Variants in SOX5 observed in about 807,000 individuals in gnomAD.
SOX5 encodes the protein SRY-box transcription factor 5.
A neutral mutation model predicts 92.0 loss-of-function variants in SOX5; 9 were observed. The observed-to-expected ratio is 0.10, with a 90% CI of 0.06 to 0.17. The LOEUF (loss-of-function observed/expected upper bound fraction) is 0.17. Among genes scored for constraint, SOX5 ranks in the 10% least tolerant of loss-of-function variants. The probability of loss-of-function intolerance (pLI) is 1.00; values close to 1 mark genes in which losing one functional copy is unlikely to be tolerated. For missense variants in SOX5, 642 were observed against 944.5 expected, an observed-to-expected ratio of 0.68 and a Z score of 4.20; for synonymous variants, 344 against 336.3, an observed-to-expected ratio of 1.02 and a Z score of -0.25.
At chr12:23,869,616 A>G (rs748550341) in intron 2 of SOX5, among the ~76,000 whole-genome samples, 1 of 152,162 alleles carries the variant, frequency 6.6e-6, no homozygotes, top group Admixed American at 6.5e-5. Context: ...TCAAAGCACC[A>G]GTCTACAAGA....
At position 24,163,002 on chromosome 12, in the gene SOX5, T is replaced by C. The variant is rs1952944918; in HGVS notation, c.-2+50341A>G. Among the ~76,000 whole-genome samples the C allele has an allele frequency of 3.3e-5, 5 of 152,086 alleles. No homozygotes were observed. In the South Asian group the frequency reaches 1.0e-3, roughly 31 times the overall value. The stretch of plus-strand genomic sequence containing the variant: ...AATGAGCTCTGCAAATATTAACCGG[T>C]GTCAGGCATGCTGTGAGCCTCTTCC... On this transcript the variant is annotated intron_variant, in intron 4 of 4. Coordinates refer to the SOX5 transcript ENST00000446891.
chr12:24,323,379 C>CA (rs1950386728), intron 2 of SOX5, among the ~76,000 whole-genome samples: 2 of 151,244 alleles, frequency 1.3e-5, no homozygotes, highest in African/African-American at 4.8e-5. Context: ...AGACTAGTGT[C>CA]AGAGTGAGAT....
intron 3 of SOX5, among the ~76,000 whole-genome samples, chr12:23,795,547 G>A (rs1296299019): frequency 2.0e-5 from 3 of 152,022 alleles, no homozygotes; most frequent in Non-Finnish European, 4.4e-5. Flanking sequence ...CAAATGTGAG[G>A]GTGGTTTTTG....
chr12:24,327,860 G>A (rs979949084), intron 2 of SOX5, among the ~76,000 whole-genome samples: 6 of 150,712 alleles, frequency 4.0e-5, no homozygotes, highest in African/African-American at 7.4e-5. Context: ...CCATAATTTC[G>A]TATTTTTTTT....
At chr12:24,459,570 A>G (rs1195640648) in intron 1 of SOX5, among the ~76,000 whole-genome samples, 1 of 152,174 alleles carries the variant, frequency 6.6e-6, no homozygotes, top group Non-Finnish European at 1.5e-5. Context: ...TCAATCTAAA[A>G]GGAGAGATGA....
chr12:24,005,613 T>C (rs1449020925), intron 4 of SOX5, among the ~76,000 whole-genome samples: 2 of 152,182 alleles, frequency 1.3e-5, no homozygotes, highest in Admixed American at 6.5e-5. Flanking sequence ...GGTCTTCTAT[T>C]CTGTCTCGTC....
At chr12:23,925,268 T>A (rs1939629951) in intron 1 of SOX5, among the ~76,000 whole-genome samples, 1 of 152,144 alleles carries the variant, frequency 6.6e-6, no homozygotes, top group African/African-American at 2.4e-5. Flanking sequence ...ATTCTGTGTG[T>A]GTTACATTTG....
chr12:23,801,564 TGTA>T (rs1291436659), intron 3 of SOX5, among the ~76,000 whole-genome samples: 3 of 152,192 alleles, frequency 2.0e-5, no homozygotes, highest in African/African-American at 7.2e-5. Flanking sequence ...AGTAGCTTAA[TGTA>T]GTCAAATATT....
At chr12:23,718,639 T>C (rs1471363700) in intron 6 of SOX5, among the ~76,000 whole-genome samples, 1 of 152,184 alleles carries the variant, frequency 6.6e-6, no homozygotes, top group Non-Finnish European at 1.5e-5. Context: ...ATTATTTCAC[T>C]GTTTATTATC....
At chr12:24,085,956 TA>T (rs144400872) in intron 4 of SOX5, among the ~76,000 whole-genome samples, 1,991 of 138,354 alleles carry the variant, frequency 0.014, 12 homozygotes, top group Non-Finnish European at 0.02. Flanking sequence ...ACGGATATGC[TA>T]AAAAAAAAAA....
At chr12:24,462,206 C>T (rs1224350086) in intron 1 of SOX5, among the ~76,000 whole-genome samples, 1 of 152,190 alleles carries the variant, frequency 6.6e-6, no homozygotes, top group African/African-American at 2.4e-5. Flanking sequence ...AGTCTATAAA[C>T]CTGTACAGCC....
intron 4 of SOX5, among the ~76,000 whole-genome samples, chr12:23,980,004 T>C (rs1949418948): frequency 6.6e-6 from 1 of 150,550 alleles, no homozygotes; most frequent in East Asian, 2.1e-4. Context: ...AGAGACAGAA[T>C]CTCGCTATAT....
chr12:24,465,354 C>T (rs1468184498), intron 1 of SOX5, among the ~76,000 whole-genome samples: 1 of 152,216 alleles, frequency 6.6e-6, no homozygotes, highest in East Asian at 1.9e-4. Context: ...AGTGCCTTTA[C>T]ACATTATTTT....
chr12:23,658,132 ATATT>A (rs1223346590), intron 7 of SOX5, among the ~76,000 whole-genome samples: 1 of 152,190 alleles, frequency 6.6e-6, no homozygotes, highest in Admixed American at 6.5e-5. Flanking sequence ...TTATGTGACA[ATATT>A]TAATAAATAA....
intron 4 of SOX5, among the ~76,000 whole-genome samples, chr12:24,146,573 T>C (rs1175356457): frequency 1.3e-5 from 2 of 151,266 alleles, no homozygotes; most frequent in Non-Finnish European, 3.0e-5. Context: ...CTGTAAGAAA[T>C]TAAAGAGAGC....
chr12:24,521,402 C>A (rs1950252213), intron 1 of SOX5, among the ~76,000 whole-genome samples: 1 of 152,038 alleles, frequency 6.6e-6, no homozygotes, highest in Non-Finnish European at 1.5e-5. Flanking sequence ...AATAGAAGAG[C>A]CAGACAGAAA....
chr12:23,745,676 T>G (rs1206110246), intron 4 of SOX5, among the ~76,000 whole-genome samples: 1 of 152,204 alleles, frequency 6.6e-6, no homozygotes, highest in Non-Finnish European at 1.5e-5. Flanking sequence ...CATTCATTCT[T>G]CATGCTCCAG....
chr12:24,135,909 CT>C (rs1224497487), intron 4 of SOX5, among the ~76,000 whole-genome samples: 2 of 152,100 alleles, frequency 1.3e-5, no homozygotes, highest in African/African-American at 4.8e-5. Context: ...AAATCTGAGA[CT>C]AAAATGGATG....
chr12:24,078,913 ATTTT>A (rs1263270258), intron 4 of SOX5, among the ~76,000 whole-genome samples: 1 of 151,992 alleles, frequency 6.6e-6, no homozygotes, highest in South Asian at 2.1e-4. Flanking sequence ...TCATTATAGA[ATTTT>A]TTAATAGAAA....
Sources: gnomAD v4.1 joint callset for allele counts (sites outside exome capture counted in the v4.1 genomes callset) on GRCh38, gnomAD v4.1.1 for gene constraint, MANE v1.5 for transcripts, NCBI Gene and HGNC (gene_info 2026-07-23, HGNC 2026-07-21) for gene names.